Variants in CDH13 observed in about 807,000 individuals in gnomAD.
CDH13 encodes cadherin 13.
A neutral mutation model predicts 63.8 loss-of-function variants in CDH13; 24 were observed. That is an observed-to-expected ratio of 0.38 (90% CI 0.27 to 0.53). The LOEUF (loss-of-function observed/expected upper bound fraction) is 0.53, where lower values mean the gene tolerates loss of function less well. Ranked by LOEUF, CDH13 falls within the 20% of genes least tolerant of loss-of-function variation. The pLI is 0.85. For missense variants in CDH13, 1,049 were observed against 903.1 expected, an observed-to-expected ratio of 1.16 and a Z score of -2.07; for synonymous variants, 503 against 355.3, an observed-to-expected ratio of 1.42 and a Z score of -4.67.
At chr16:82,848,090 G>A (rs930299140) in intron 1 of CDH13, among the ~76,000 whole-genome samples, 2 of 152,112 alleles carry the variant, frequency 1.3e-5, no homozygotes, top group African/African-American at 2.4e-5. Flanking sequence ...GAAAGTTGGA[G>A]GTTTTGTAAC....
intron 1 of CDH13, among the ~76,000 whole-genome samples, chr16:82,656,842 G>A (rs542379428): frequency 2.0e-5 from 3 of 151,584 alleles, no homozygotes; most frequent in Non-Finnish European, 2.9e-5. Context: ...ATAGTATGTA[G>A]CCTTTTCAAA....
intron 1 of CDH13, among the ~76,000 whole-genome samples, chr16:82,658,856 G>T (rs1911602268): frequency 6.6e-6 from 1 of 152,218 alleles, no homozygotes; most frequent in Non-Finnish European, 1.5e-5. Context: ...TTGTGGGTAT[G>T]TATGGAAGAT....
At chr16:82,778,653 T>C (rs1204536222) in intron 1 of CDH13, among the ~76,000 whole-genome samples, 3 of 150,434 alleles carry the variant, frequency 2.0e-5, no homozygotes, top group Non-Finnish European at 4.4e-5. Context: ...CAGGGAGATA[T>C]CTCCTTCCTC....
chr16:82,888,378 G>C (rs2040964069), intron 2 of CDH13, among the ~76,000 whole-genome samples: 2 of 152,206 alleles, frequency 1.3e-5, no homozygotes, highest in African/African-American at 4.8e-5. Context: ...CTGTCATCAA[G>C]TTCTTCTTCT....
intron 4 of CDH13, among the ~76,000 whole-genome samples, chr16:83,137,990 T>A (rs2036370999): frequency 6.6e-6 from 1 of 152,068 alleles, no homozygotes; most frequent in Non-Finnish European, 1.5e-5. Context: ...TGAGTCTGGG[T>A]GGCTGGGAAC....
At chr16:83,342,853 T>TG (rs2090757690) in intron 5 of CDH13, among the ~76,000 whole-genome samples, 2 of 145,256 alleles carry the variant, frequency 1.4e-5, no homozygotes, top group East Asian at 2.0e-4. Flanking sequence ...GTTTTTTTTT[T>TG]TTTTTTTTTT....
intron 1 of CDH13, chr16:82,829,587 A>T (rs1023112373): frequency 1.3e-5 from 2 of 152,100 alleles, no homozygotes; most frequent in African/African-American, 4.8e-5. Flanking sequence ...GGGGAAACCA[A>T]CCAGCTATAT....
At chr16:82,728,605 A>C (rs1279171829) in intron 1 of CDH13, among the ~76,000 whole-genome samples, 1 of 152,164 alleles carries the variant, frequency 6.6e-6, no homozygotes, top group African/African-American at 2.4e-5. Flanking sequence ...TCAGGGAGTC[A>C]TAATCTTTTT....
At chr16:83,484,096 A>G (rs1340580589) in intron 6 of CDH13, among the ~76,000 whole-genome samples, 1 of 152,234 alleles carries the variant, frequency 6.6e-6, no homozygotes, top group Non-Finnish European at 1.5e-5. Context: ...ACTGCCTAAC[A>G]AATCAATCCA....
intron 5 of CDH13, among the ~76,000 whole-genome samples, chr16:83,274,549 A>T (rs1353330795): frequency 2.0e-5 from 3 of 151,954 alleles, no homozygotes; most frequent in African/African-American, 7.2e-5. Flanking sequence ...CTCTCTAAGT[A>T]ATGTATTCCT....
intron 1 of CDH13, among the ~76,000 whole-genome samples, chr16:82,755,263 C>G (rs945135262): frequency 2.6e-5 from 4 of 152,204 alleles, no homozygotes; most frequent in African/African-American, 9.6e-5. Flanking sequence ...GATATGCATT[C>G]TGTCCCAAAT....
chr16:82,939,888 G>A (rs2042780310), intron 2 of CDH13, among the ~76,000 whole-genome samples: 1 of 152,128 alleles, frequency 6.6e-6, no homozygotes, highest in African/African-American at 2.4e-5. Context: ...ATAAAGACAT[G>A]CCCTCGACTG....
intron 4 of CDH13, among the ~76,000 whole-genome samples, chr16:83,144,224 G>T (rs1217850065): frequency 4.6e-5 from 7 of 152,174 alleles, no homozygotes; most frequent in Non-Finnish European, 1.0e-4. Flanking sequence ...ATGAGGAAGT[G>T]ACACAGGCTT....
At chr16:82,981,021 G>A (rs1910189581) in intron 2 of CDH13, among the ~76,000 whole-genome samples, 1 of 152,070 alleles carries the variant, frequency 6.6e-6, no homozygotes, top group Admixed American at 6.5e-5. Context: ...CACAAAGGGA[G>A]CTCAGGTGCA....
rs536093683 is a variant in CDH13, at chr16:83,375,971, G to GA, written c.781+30973dup. ...GACTATTAGGGTGAGTTTAAGCAGG[G>GA]AAAAAAAATTGCATCAGCTCATTTA... On this transcript the variant is annotated intron_variant, in intron 6 of 13. Transcript: ENST00000567109. 5.2e-3 allele frequency among the ~76,000 whole-genome samples: 792 copies of GA among 151,906 alleles called. 9 individuals are homozygous for GA. The highest frequency in any genetic ancestry group is 0.018 in the African/African-American group (764 of 41,454).
intron 6 of CDH13, among the ~76,000 whole-genome samples, chr16:83,448,081 A>G (rs1203574528): frequency 6.6e-6 from 1 of 152,206 alleles, no homozygotes; most frequent in Non-Finnish European, 1.5e-5. Flanking sequence ...AGGGGTAAAT[A>G]TGGTCCCCAT....
At chr16:83,790,114 G>A (rs939427050) in intron 13 of CDH13, 2 of 152,200 alleles carry the variant, frequency 1.3e-5, no homozygotes, top group Admixed American at 1.3e-4. Flanking sequence ...TGGTCTGGCA[G>A]TTGTCCCATT....
intron 5 of CDH13, among the ~76,000 whole-genome samples, chr16:83,236,259 A>ACACACACG: frequency 6.6e-6 from 1 of 151,816 alleles, no homozygotes. Flanking sequence ...ACACACACAC[A>ACACACACG]CACATAGGTT....
intron 2 of CDH13, among the ~76,000 whole-genome samples, chr16:82,943,640 A>G (rs535315556): frequency 4.6e-5 from 7 of 152,314 alleles, no homozygotes; most frequent in South Asian, 4.1e-4. Flanking sequence ...TATCAAGTCA[A>G]TCAAATATTT....
Sources: gnomAD v4.1 joint callset for allele counts (sites outside exome capture counted in the v4.1 genomes callset) on GRCh38, gnomAD v4.1.1 for gene constraint, MANE v1.5 for transcripts, NCBI Gene and HGNC (gene_info 2026-07-23, HGNC 2026-07-21) for gene names.